ICAM2: variants seen among roughly 807,000 people sequenced by gnomAD.
The protein encoded by ICAM2 is intercellular adhesion molecule 2.
ICAM2 carries 14 observed loss-of-function variants against 19.1 expected under a neutral mutation model. That is an observed-to-expected ratio of 0.73 (90% CI 0.48 to 1.15). ICAM2 has a LOEUF of 1.15. Among genes scored for constraint, ICAM2 ranks in the 50% most tolerant of loss-of-function variants. ICAM2 has a pLI of 0.00. For synonymous variants in ICAM2, 153 were observed against 152.7 expected, an observed-to-expected ratio of 1.00 and a Z score of -0.01; for missense variants, 311 against 355.4, an observed-to-expected ratio of 0.88 and a Z score of 1.00.
intron 1 of ICAM2, among the ~76,000 whole-genome samples, chr17:64,010,975 T>C (rs1241396664): frequency 6.6e-6 from 1 of 151,892 alleles, no homozygotes; most frequent in Admixed American, 6.6e-5. Context: ...AGTAAGGGGC[T>C]AATATCCAAA....
chr17:64,015,854 T>TA (rs146000631), intron 1 of ICAM2, among the ~76,000 whole-genome samples: 2 of 151,752 alleles, frequency 1.3e-5, no homozygotes, highest in Non-Finnish European at 1.5e-5. Flanking sequence ...GGTAACTCTT[T>TA]AAAAAAAATT....
chr17:64,007,002 GT>G (rs1469868392), intron 1 of ICAM2: 16 of 362,440 alleles, frequency 4.4e-5, no homozygotes, highest in Non-Finnish European at 7.1e-5. Flanking sequence ...TATGAGACGT[GT>G]GCACAGGGGA....
intron 1 of ICAM2, among the ~76,000 whole-genome samples, chr17:64,014,816 C>T (rs1336591698): frequency 3.9e-5 from 6 of 151,940 alleles, no homozygotes; most frequent in African/African-American, 1.5e-4. Flanking sequence ...TGACTCATGC[C>T]TATAATCCTA....
chr17:64,005,294 G>C lies in ICAM2; in HGVS notation c.141C>G (p.Asn47Lys), dbSNP rs1911127230. ...AVEPKGSLEVNCSTTCNQPEV... is the reference protein window; with the variant it reads ...AVEPKGSLEVKCSTTCNQPEV... ...CAGGCTGGTTACAGGTGGTGCTGCA[G>C]TTGACCTCGAGGGACCCTTTGGGCT... Residue 47 changes from asparagine to lysine, a missense_variant, in exon 3 of 5, where the codon AAC becomes AAG. Coordinates refer to ENST00000579788, the MANE Select transcript of ICAM2 (RefSeq NM_001099789.2). 1.2e-6 allele frequency: 2 copies of C among 1,614,168 alleles called. No homozygotes were observed. The highest frequency in any genetic ancestry group is 4.5e-5 in the East Asian group (2 of 44,886).
At chr17:64,006,004 C>A in intron 2 of ICAM2, 1 of 155,152 alleles carries the variant, frequency 6.4e-6, no homozygotes. Flanking sequence ...AAGGCCTCAC[C>A]CAGATGGTGA....
intron 3 of ICAM2, chr17:64,004,456 C>T: frequency 5.9e-6 from 1 of 169,322 alleles, no homozygotes; most frequent in Non-Finnish European, 1.3e-5. Context: ...ACGTATTCAA[C>T]CACCCGAGGG....
chr17:64,014,757 GAAAGAAAGAA>G (rs1420628916), intron 1 of ICAM2, among the ~76,000 whole-genome samples: 2,770 of 142,204 alleles, frequency 0.019, 88 homozygotes, highest in Non-Finnish European at 0.032. Flanking sequence ...AAGAAAGAAA[GAAAGAAAGAA>G]AAAGAAAGAA....
intron 4 of ICAM2, chr17:64,003,169 G>A (rs922260754): frequency 9.5e-6 from 5 of 524,306 alleles, no homozygotes; most frequent in African/African-American, 3.8e-5. Context: ...GAGGGCAGAT[G>A]TCCCCTTGTC....
intron 1 of ICAM2, among the ~76,000 whole-genome samples, chr17:64,015,874 AT>A (rs1030111523): frequency 6.6e-6 from 1 of 151,882 alleles, no homozygotes; most frequent in African/African-American, 2.4e-5. Context: ...TATTATTATT[AT>A]TTTTTTTAGA....
rs570714234 is a variant in ICAM2 at position 64,011,887 on chromosome 17, A to G, written c.-44-5152T>C. ...TCCTCAAAAAATTAAAAGTAGAACTACAGAGGATCTAGCAATCCCACTACT... is the reference window on the plus strand; with the variant it reads ...TCCTCAAAAAATTAAAAGTAGAACTGCAGAGGATCTAGCAATCCCACTACT... On this transcript the variant is annotated intron_variant, in intron 1 of 4. Transcript: ENST00000579788. 2.6e-5 allele frequency among the ~76,000 whole-genome samples: 4 copies of G among 152,366 alleles called. No homozygotes were observed. The East Asian group carries it at 7.7e-4, about 29-fold the overall frequency.
At chr17:64,017,842 A>G (rs2143252984) in intron 1 of ICAM2, among the ~76,000 whole-genome samples, 2 of 152,348 alleles carry the variant, frequency 1.3e-5, no homozygotes, top group South Asian at 4.1e-4. Context: ...TAAATGACAC[A>G]GGATCAATTG....
In ICAM2 at chr17:64,005,391, C is replaced by A. The variant is rs200448960; in HGVS notation, c.62-18G>T. On this transcript the variant is annotated intron_variant, in intron 2 of 4. Transcript: ENST00000579788. ...ATCCGATCCTGGAAAACCAGAAACA[C>A]TGGGCAGTCGTGTCATCCCCCCACC... is the stretch of plus-strand genomic sequence containing the variant. The A allele has an allele frequency of 2.2e-4, 354 of 1,608,388 alleles. No homozygotes were observed. Among genetic ancestry groups the A allele is most frequent in the Non-Finnish European group, 2.8e-4 (332 of 1,176,608 alleles).
chr17:64,018,580 C>A (rs1033432282), intron 1 of ICAM2, among the ~76,000 whole-genome samples: 1 of 151,854 alleles, frequency 6.6e-6, no homozygotes, highest in African/African-American at 2.4e-5. Context: ...TATATTGGTG[C>A]TCTCAGAGAT....
chr17:64,012,120 C>T (rs953585962), intron 1 of ICAM2, among the ~76,000 whole-genome samples: 2 of 152,160 alleles, frequency 1.3e-5, no homozygotes, highest in South Asian at 4.1e-4. Flanking sequence ...TTTGACAACA[C>T]GAACAAACCT....
At chr17:64,009,469 A>C (rs1744690151) in intron 1 of ICAM2, among the ~76,000 whole-genome samples, 1 of 152,006 alleles carries the variant, frequency 6.6e-6, no homozygotes, top group Non-Finnish European at 1.5e-5. Context: ...TTTTTTTGAG[A>C]TGGAGTCTCG....
rs555046431 is a variant in ICAM2, at chr17:64,006,561, C to T, written c.61+70G>A. The T allele has an allele frequency of 9.5e-6, 13 of 1,369,264 alleles. No homozygotes were observed. The East Asian group carries it at 2.3e-4, about 25-fold the overall frequency. The allele number at this position is 1,369,264 out of a possible 1,614,324, so 84.8% of individuals were successfully genotyped here. On this transcript the variant is annotated intron_variant, in intron 2 of 4. Coordinates refer to ENST00000579788, the MANE Select transcript of ICAM2 (RefSeq NM_001099789.2). ...GGGACTTCTCTTCCACCTGAAGCCA[C>T]AGGGAACAGGGCACCCCCACCCTCT...
rs777540468 is a variant in ICAM2, at chr17:64,002,873, C to A, written c.702G>T (p.Leu234Phe). 1 of 1,613,984 alleles carries A rather than the reference C, an allele frequency of 6.2e-7. No individual in the cohort carries two copies. Among genetic ancestry groups the A allele is most frequent in the East Asian group, 2.2e-5 (1 of 44,872 alleles). The change falls in exon 5 of 5, where the codon TTG becomes TTT. Residue 234 changes from leucine to phenylalanine, a missense_variant. By Grantham distance (22) the Leu-to-Phe change is conservative (BLOSUM62 0). Coordinates refer to ENST00000579788, the MANE Select transcript of ICAM2 (RefSeq NM_001099789.2). ...MVIIVTVVSV[L>F]LSLFVTSVLL... ...GGACAGATGTCACGAACAGGGACAG[C>A]AACACCGACACCACCGTGACTATGA...
At position 64,005,249 on chromosome 17, in the gene ICAM2, G is replaced by A; in HGVS notation, c.186C>T (p.Thr62=). 1 of 1,614,126 alleles carries A rather than the reference G, an allele frequency of 6.2e-7. No homozygotes were observed. The highest frequency in any genetic ancestry group is 1.3e-5 in the African/African-American group (1 of 75,022). ...CGTCCAGCAGAATCTTATCTAGAGA[G>A]GTCTCCAGACCACCCACTTCAGGCT... ...CNQPEVGGLE[T]SLDKILLDEQ... Residue 62 remains threonine, a synonymous_variant, in exon 3 of 5, where the codon ACC becomes ACT. Coordinates refer to ENST00000579788, the MANE Select transcript of ICAM2 (RefSeq NM_001099789.2).
At chr17:64,011,791 A>C (rs1911463943) in intron 1 of ICAM2, among the ~76,000 whole-genome samples, 1 of 152,208 alleles carries the variant, frequency 6.6e-6, no homozygotes, top group Non-Finnish European at 1.5e-5. Context: ...AATGTAGAGA[A>C]AAAGGAATGC....
Sources: gnomAD v4.1 joint callset for allele counts (sites outside exome capture counted in the v4.1 genomes callset) on GRCh38, gnomAD v4.1.1 for gene constraint, MANE v1.5 for transcripts, NCBI Gene and HGNC (gene_info 2026-07-23, HGNC 2026-07-21) for gene names.